Variants in DSTYK observed in about 807,000 individuals in gnomAD.
DSTYK encodes the protein dual serine/threonine and tyrosine protein kinase, also known as RIP-homologous kinase.
DSTYK carries 34 observed loss-of-function variants against 98.7 expected under a neutral mutation model. The observed-to-expected ratio is 0.34, with a 90% CI of 0.26 to 0.46. DSTYK has a LOEUF of 0.46. Ranked by LOEUF, DSTYK falls within the 20% of genes least tolerant of loss-of-function variation. The pLI, the probability that DSTYK is intolerant of heterozygous loss-of-function variation, is 1.00. For synonymous variants in DSTYK, 462 were observed against 457.3 expected (o/e 1.01, Z -0.13); for missense variants, 962 against 1,181.7 (o/e 0.81, Z 2.73).
intron 1 of DSTYK, among the ~76,000 whole-genome samples, chr1:205,193,905 C>A (rs552492198): frequency 6.6e-6 from 1 of 151,538 alleles, no homozygotes; most frequent in South Asian, 2.1e-4. Flanking sequence ...ACTAGCAATC[C>A]TCTTCTCTGA....
chr1:205,157,467 G>A (rs1235245737), intron 9 of DSTYK, 81 bp from the exon 10 acceptor site: 1 of 1,182,060 alleles, frequency 8.5e-7, no homozygotes, highest in African/African-American at 1.5e-5. Flanking sequence ...CATGAGGACA[G>A]AAAAGTGATT....
intron 10 of DSTYK, among the ~76,000 whole-genome samples, chr1:205,153,279 G>A (rs777459095): frequency 1.2e-4 from 19 of 152,052 alleles, no homozygotes; most frequent in Non-Finnish European, 2.5e-4. Flanking sequence ...GGAGCAGGTC[G>A]AAAGATTCTT....
chr1:205,147,586 G>A lies in DSTYK; in HGVS notation c.2762C>T (p.Pro921Leu). Residue 921 changes from proline (P) to leucine (L), a missense_variant, in exon 13 of 13, where the codon CCA becomes CTA. Transcript: ENST00000367162. The part of the protein sequence containing the change: ...NRLCKSNSEQ[P>L]NRGLDDST ...AGTAGAATCATCTAGTCCTCTGTTT[G>A]GCTGCTCAGAATTGGACTTGCAGAG... 6.2e-7 allele frequency: 1 copy of A among 1,612,212 alleles called. No individual in the cohort carries two copies. The highest frequency in any genetic ancestry group is 2.2e-5 in the East Asian group (1 of 44,804).
chr1:205,205,954 C>G (rs886371608), intron 1 of DSTYK, among the ~76,000 whole-genome samples: 5 of 152,122 alleles, frequency 3.3e-5, no homozygotes, highest in African/African-American at 7.2e-5. Context: ...TTTTTATGTA[C>G]GTGTTTTATG....
At chr1:205,207,225 C>T (rs1003730588) in intron 1 of DSTYK, among the ~76,000 whole-genome samples, 4 of 151,692 alleles carry the variant, frequency 2.6e-5, no homozygotes, top group Non-Finnish European at 4.4e-5. Flanking sequence ...GTTACAGGCA[C>T]GCGCCATCAT....
intron 1 of DSTYK, among the ~76,000 whole-genome samples, chr1:205,197,138 GA>G (rs796935302): frequency 1.8e-3 from 248 of 136,970 alleles, no homozygotes; most frequent in Admixed American, 1.9e-3. Context: ...GTGATGAAAG[GA>G]AAAAAAAAAA....
chr1:205,154,896 G>C (rs1657511847), intron 10 of DSTYK, among the ~76,000 whole-genome samples: 1 of 152,166 alleles, frequency 6.6e-6, no homozygotes, highest in African/African-American at 2.4e-5. Flanking sequence ...GAGACTGGAG[G>C]CATTTTGCCC....
rs143975518 is a variant in DSTYK at position 205,174,462 on chromosome 1, G to A, written c.655-4630C>T. Among the ~76,000 whole-genome samples, 265 of 147,892 alleles carry A rather than the reference G, an allele frequency of 1.8e-3. 4 individuals are homozygous for A. In the East Asian group the frequency reaches 0.024, roughly 13 times the overall value. On this transcript the variant is annotated intron_variant, in intron 2 of 12. Transcript: ENST00000367162. The stretch of plus-strand genomic sequence containing the variant: ...CAGAAGGAGGAGGTTGCAGTGAGCT[G>A]AGATCATGCCATTGTACTCCAGAAT...
intron 2 of DSTYK, among the ~76,000 whole-genome samples, chr1:205,179,863 G>C (rs1263277749): frequency 6.6e-6 from 1 of 152,076 alleles, no homozygotes; most frequent in Non-Finnish European, 1.5e-5. Flanking sequence ...CTGAATTAGG[G>C]AAGATTCCCT....
At chr1:205,211,201 A>C (rs1659363663) in intron 1 of DSTYK, 70 bp downstream of exon 1, 3 of 1,496,176 alleles carry the variant, frequency 2.0e-6, no homozygotes, top group Non-Finnish European at 2.7e-6. Context: ...CTTGTTTTGC[A>C]GGGCAGGGGT....
At chr1:205,192,943 A>T (rs1197416537) in intron 1 of DSTYK, among the ~76,000 whole-genome samples, 1 of 152,156 alleles carries the variant, frequency 6.6e-6, no homozygotes, top group Admixed American at 6.5e-5. Context: ...CCAGTAGACA[A>T]TGACCCCTAC....
At chr1:205,204,129 G>C (rs1351633156) in intron 1 of DSTYK, among the ~76,000 whole-genome samples, 1 of 152,182 alleles carries the variant, frequency 6.6e-6, no homozygotes, top group Non-Finnish European at 1.5e-5. Flanking sequence ...ACTAGAATAA[G>C]AGCCTGAGTA....
intron 12 of DSTYK, 129 bp downstream of exon 12, chr1:205,148,076 C>G: frequency 9.0e-7 from 1 of 1,105,510 alleles, no homozygotes; most frequent in Non-Finnish European, 1.3e-6. Context: ...GGATTCATGA[C>G]AGTTTAAACG....
intron 2 of DSTYK, among the ~76,000 whole-genome samples, chr1:205,176,775 A>C (rs1327764840): frequency 6.6e-6 from 1 of 152,076 alleles, no homozygotes; most frequent in African/African-American, 2.4e-5. Context: ...AGAAGTAATC[A>C]CTCAATCACT....
intron 11 of DSTYK, among the ~76,000 whole-genome samples, chr1:205,149,545 T>C (rs1168404242): frequency 3.1e-4 from 47 of 152,286 alleles, no homozygotes; most frequent in Non-Finnish European, 1.0e-4. Flanking sequence ...TTTTGTTCAT[T>C]CTTCCTCTGA....
At chr1:205,171,231 G>A (rs898328930) in intron 2 of DSTYK, among the ~76,000 whole-genome samples, 1 of 151,854 alleles carries the variant, frequency 6.6e-6, no homozygotes, top group East Asian at 1.9e-4. Context: ...CAGGAGGATC[G>A]CTTGAGGTCA....
intron 10 of DSTYK, among the ~76,000 whole-genome samples, chr1:205,156,700 C>T (rs1418479861): frequency 6.6e-6 from 1 of 152,106 alleles, no homozygotes; most frequent in Non-Finnish European, 1.5e-5. Flanking sequence ...TGGATTAATG[C>T]TAGAATGAGT....
intron 1 of DSTYK, among the ~76,000 whole-genome samples, chr1:205,188,162 C>A (rs577643838): frequency 5.3e-5 from 8 of 152,168 alleles, no homozygotes; most frequent in African/African-American, 1.9e-4. Flanking sequence ...ATTAAAATAA[C>A]AAAGCCAGAA....
chr1:205,179,651 C>A (rs1244485657), intron 2 of DSTYK, among the ~76,000 whole-genome samples: 2 of 150,914 alleles, frequency 1.3e-5, no homozygotes. Flanking sequence ...AGACTAGATG[C>A]TTTCAGGGGT....
Sources: gnomAD v4.1 joint callset for allele counts (sites outside exome capture counted in the v4.1 genomes callset) on GRCh38, gnomAD v4.1.1 for gene constraint, MANE v1.5 for transcripts, NCBI Gene and HGNC (gene_info 2026-07-23, HGNC 2026-07-21) for gene names.